The following NXPH1 variants were observed in gnomAD, a reference collection of about 807,000 sequenced individuals.
The protein encoded by NXPH1 is neurexophilin-1.
A neutral mutation model predicts 23.7 loss-of-function variants in NXPH1; 5 were observed. The ratio of observed to expected loss-of-function variants is 0.21; its 90% CI spans 0.11 to 0.44. The LOEUF is 0.44. Among genes scored for constraint, NXPH1 ranks in the 20% least tolerant of loss-of-function variants. NXPH1 has a pLI of 0.99. For synonymous variants in NXPH1, 144 were observed against 122.2 expected, an observed-to-expected ratio of 1.18 and a Z score of -1.18; for missense variants, 324 against 321.6, an observed-to-expected ratio of 1.01 and a Z score of -0.06.
chr7:8,628,338 G>A (rs1322358527), intron 2 of NXPH1, among the ~76,000 whole-genome samples: 1 of 149,336 alleles, frequency 6.7e-6, no homozygotes, highest in African/African-American at 2.5e-5. Flanking sequence ...ATTCAGCCAA[G>A]TAGGAAACAT....
chr7:8,746,863 G>GT (rs1780478694), intron 2 of NXPH1, among the ~76,000 whole-genome samples: 1 of 112,544 alleles, frequency 8.9e-6, no homozygotes, highest in African/African-American at 3.2e-5. Flanking sequence ...CCCACAGCAT[G>GT]CTTTTTTTTT....
At position 8,557,757 on chromosome 7, in the gene NXPH1, C is replaced by T. The variant is rs116420148; in HGVS notation, c.54+121990C>T. 2.8e-3 allele frequency among the ~76,000 whole-genome samples: 420 copies of T among 151,812 alleles called. 3 individuals carry two copies. Among genetic ancestry groups the T allele is most frequent in the African/African-American group, 9.6e-3 (399 of 41,504 alleles). On this transcript the variant is annotated intron_variant, in intron 2 of 2. Coordinates refer to ENST00000405863, the MANE Select transcript of NXPH1 (RefSeq NM_152745.3). ...CCAGTGAAATTCATCTCTCACATCA[C>T]TCATATACAGCGACATAAACTGCTC...
chr7:8,535,399 C>T (rs947202300), intron 2 of NXPH1, among the ~76,000 whole-genome samples: 4 of 151,964 alleles, frequency 2.6e-5, no homozygotes, highest in Non-Finnish European at 5.9e-5. Flanking sequence ...TGATGTACTT[C>T]TGAATAACCT....
At chr7:8,625,793 G>A (rs536742943) in intron 2 of NXPH1, among the ~76,000 whole-genome samples, 1 of 152,186 alleles carries the variant, frequency 6.6e-6, no homozygotes, top group South Asian at 2.1e-4. Context: ...TGTTATCCTA[G>A]ATCAATGTCA....
intron 2 of NXPH1, among the ~76,000 whole-genome samples, chr7:8,563,975 G>A (rs2128621073): frequency 6.6e-6 from 1 of 151,926 alleles, no homozygotes; most frequent in African/African-American, 2.4e-5. Flanking sequence ...TTCACTGCCA[G>A]TTGGAATTTG....
At chr7:8,556,030 G>A (rs972462388) in intron 2 of NXPH1, among the ~76,000 whole-genome samples, 1 of 151,612 alleles carries the variant, frequency 6.6e-6, no homozygotes, top group Non-Finnish European at 1.5e-5. Context: ...GGCTCTTGAG[G>A]GGAGGAACAT....
intron 2 of NXPH1, among the ~76,000 whole-genome samples, chr7:8,723,740 T>C (rs1012725226): frequency 1.3e-5 from 2 of 152,152 alleles, no homozygotes; most frequent in East Asian, 1.9e-4. Context: ...ATGATTGCTG[T>C]AGAAATGAAG....
chr7:8,540,454 A>T (rs947283392), intron 2 of NXPH1, among the ~76,000 whole-genome samples: 4 of 151,786 alleles, frequency 2.6e-5, no homozygotes, highest in Non-Finnish European at 5.9e-5. Flanking sequence ...TGAGCCCCAC[A>T]GTTTCCCTTA....
At chr7:8,744,357 T>C (rs1780432301) in intron 2 of NXPH1, among the ~76,000 whole-genome samples, 1 of 152,222 alleles carries the variant, frequency 6.6e-6, no homozygotes, top group Non-Finnish European at 1.5e-5. Flanking sequence ...GTTTTCATTA[T>C]AATATTATAG....
intron 2 of NXPH1, among the ~76,000 whole-genome samples, chr7:8,701,468 C>T (rs1325463068): frequency 6.6e-6 from 1 of 152,080 alleles, no homozygotes; most frequent in African/African-American, 2.4e-5. Flanking sequence ...TCTTATTGTT[C>T]TCCCCCAATA....
intron 2 of NXPH1, among the ~76,000 whole-genome samples, chr7:8,622,324 A>G (rs1819893612): frequency 6.6e-6 from 1 of 152,338 alleles, no homozygotes; most frequent in Non-Finnish European, 1.5e-5. Flanking sequence ...GACTGCGATC[A>G]AAAGTATTTA....
chr7:8,536,634 T>C (rs1818030878), intron 2 of NXPH1, among the ~76,000 whole-genome samples: 1 of 151,904 alleles, frequency 6.6e-6, no homozygotes, highest in Non-Finnish European at 1.5e-5. Context: ...ACGTCATTGG[T>C]TCACTTGCTC....
intron 2 of NXPH1, among the ~76,000 whole-genome samples, chr7:8,487,781 G>T (rs754186755): frequency 6.6e-6 from 1 of 152,122 alleles, no homozygotes; most frequent in Non-Finnish European, 1.5e-5. Context: ...GAGTGAGACC[G>T]TGGGACATGA....
chr7:8,573,725 A>C (rs762177141), intron 2 of NXPH1, among the ~76,000 whole-genome samples: 1 of 152,120 alleles, frequency 6.6e-6, no homozygotes, highest in Non-Finnish European at 1.5e-5. Flanking sequence ...CTTCCAGTTA[A>C]TTATAGGTTA....
chr7:8,530,171 A>G (rs989732498), intron 2 of NXPH1, among the ~76,000 whole-genome samples: 2 of 152,274 alleles, frequency 1.3e-5, no homozygotes, highest in Admixed American at 6.5e-5. Context: ...GACTTACCCT[A>G]TGGATGGGCA....
intron 2 of NXPH1, among the ~76,000 whole-genome samples, chr7:8,613,126 G>C (rs1008145803): frequency 2.6e-5 from 4 of 151,798 alleles, no homozygotes; most frequent in African/African-American, 9.7e-5. Flanking sequence ...CTACTACCTT[G>C]AGTCTTCCTT....
Position 8,608,643 on chromosome 7 carries a change from C to T in NXPH1, c.55-142365C>T, listed in dbSNP as rs189386940. On this transcript the variant is annotated intron_variant, in intron 2 of 2. Transcript: ENST00000405863. ...TTAAAAATATGGAGGTTTGCATCTTCTTGATTTGCAGCTTTGAAAACATTG... is the reference window on the plus strand; with the variant it reads ...TTAAAAATATGGAGGTTTGCATCTTTTTGATTTGCAGCTTTGAAAACATTG... Among the ~76,000 whole-genome samples the T allele has an allele frequency of 3.1e-3, 466 of 152,176 alleles. 4 individuals are homozygous for T. The highest frequency in any genetic ancestry group is 0.011 in the African/African-American group (452 of 41,536).
At chr7:8,722,414 G>T (rs914102355) in intron 2 of NXPH1, among the ~76,000 whole-genome samples, 1 of 152,072 alleles carries the variant, frequency 6.6e-6, no homozygotes, top group African/African-American at 2.4e-5. Flanking sequence ...TGTTACAATG[G>T]TTCTCTCATT....
At chr7:8,690,488 G>A (rs1315241655) in intron 2 of NXPH1, 4 of 152,040 alleles carry the variant, frequency 2.6e-5, no homozygotes, top group Non-Finnish European at 5.9e-5. Context: ...GACCAGGAAT[G>A]GTTTTTAATG....
Sources: allele counts gnomAD v4.1 joint callset (sites outside exome capture counted in the v4.1 genomes callset), GRCh38; gene constraint gnomAD v4.1.1; transcripts MANE v1.5; gene names NCBI Gene and HGNC (gene_info 2026-07-23, HGNC 2026-07-21).